Variants in MACROD2 observed in about 807,000 individuals in gnomAD.
The protein encoded by MACROD2 is mono-ADP ribosylhydrolase 2, also known as ADP-ribose glycohydrolase MACROD2.
MACROD2 carries 36 observed loss-of-function variants against 70.4 expected under a neutral mutation model. The observed-to-expected ratio is 0.51, with a 90% CI of 0.39 to 0.68. The LOEUF (loss-of-function observed/expected upper bound fraction) is 0.68. MACROD2 is among the 30% of genes least tolerant of loss of function. The pLI is 0.00. For synonymous variants in MACROD2, 172 were observed against 178.8 expected (o/e 0.96, Z 0.30); for missense variants, 496 against 538.4 (o/e 0.92, Z 0.78).
At chr20:15,498,319 A>T (rs954548756) in intron 7 of MACROD2, among the ~76,000 whole-genome samples, 11 of 152,126 alleles carry the variant, frequency 7.2e-5, no homozygotes, top group African/African-American at 2.7e-4. Context: ...CATCAGTTTG[A>T]ACTACTAGAA....
intron 5 of MACROD2, among the ~76,000 whole-genome samples, chr20:15,014,322 A>G (rs1035211541): frequency 6.6e-6 from 1 of 152,152 alleles, no homozygotes; most frequent in Non-Finnish European, 1.5e-5. Context: ...TCAGGAAATT[A>G]AAATATTGCC....
At chr20:14,262,712 G>C (rs1244816230) in intron 3 of MACROD2, among the ~76,000 whole-genome samples, 1 of 152,164 alleles carries the variant, frequency 6.6e-6, no homozygotes. Flanking sequence ...GCTAGGGAAA[G>C]AAAAGGTTTA....
At chr20:15,751,771 A>G (rs1429110306) in intron 8 of MACROD2, among the ~76,000 whole-genome samples, 1 of 151,790 alleles carries the variant, frequency 6.6e-6, no homozygotes, top group Admixed American at 6.6e-5. Flanking sequence ...CAGGAATGAT[A>G]TAATGAGAAA....
At chr20:15,856,115 A>G (rs2064353849) in intron 8 of MACROD2, among the ~76,000 whole-genome samples, 1 of 152,212 alleles carries the variant, frequency 6.6e-6, no homozygotes, top group Non-Finnish European at 1.5e-5. Flanking sequence ...ATAATTTTCC[A>G]AAGAGGTTTC....
intron 3 of MACROD2, among the ~76,000 whole-genome samples, chr20:14,151,028 T>C (rs1235620044): frequency 6.6e-6 from 1 of 152,172 alleles, no homozygotes; most frequent in Non-Finnish European, 1.5e-5. Context: ...TAATTACAGA[T>C]AGCTTTCTTC....
chr20:15,430,286 T>A (rs371876184), intron 6 of MACROD2, among the ~76,000 whole-genome samples: 2 of 99,838 alleles, frequency 2.0e-5, no homozygotes, highest in Non-Finnish European at 4.6e-5. Context: ...TAATAATTTC[T>A]TTTCCTTTGA....
chr20:14,307,081 G>C (rs915209787), intron 3 of MACROD2, among the ~76,000 whole-genome samples: 2 of 151,768 alleles, frequency 1.3e-5, no homozygotes, highest in Non-Finnish European at 2.9e-5. Flanking sequence ...AATTTTATTA[G>C]TCAGAGAGGG....
intron 3 of MACROD2, among the ~76,000 whole-genome samples, chr20:14,301,682 C>G (rs1271240885): frequency 6.6e-6 from 1 of 152,086 alleles, no homozygotes; most frequent in Non-Finnish European, 1.5e-5. Flanking sequence ...TGTTTTTATT[C>G]TACCAATGAT....
chr20:16,016,804 T>C (rs1420760012), intron 15 of MACROD2, among the ~76,000 whole-genome samples: 1 of 152,302 alleles, frequency 6.6e-6, no homozygotes, highest in South Asian at 2.1e-4. Flanking sequence ...CAATTCTTAG[T>C]CTCCTTCATC....
chr20:15,800,919 T>G (rs2063718701), intron 8 of MACROD2, among the ~76,000 whole-genome samples: 1 of 151,760 alleles, frequency 6.6e-6, no homozygotes, highest in African/African-American at 2.4e-5. Context: ...AAACATGTGC[T>G]GTGTCCACTC....
intron 3 of MACROD2, among the ~76,000 whole-genome samples, chr20:14,349,647 T>C (rs190057167): frequency 8.4e-6 from 1 of 119,432 alleles, no homozygotes; most frequent in Non-Finnish European, 1.6e-5. Context: ...CTGGTAACCA[T>C]TCTTTTATTC....
At chr20:15,698,871 TGA>T (rs1368993213) in intron 8 of MACROD2, among the ~76,000 whole-genome samples, 2 of 152,186 alleles carry the variant, frequency 1.3e-5, no homozygotes, top group African/African-American at 4.8e-5. Context: ...ATTCTATTGC[TGA>T]GACTTTCCAG....
chr20:15,841,531 T>G (rs893423854), intron 8 of MACROD2, among the ~76,000 whole-genome samples: 2 of 151,822 alleles, frequency 1.3e-5, no homozygotes, highest in African/African-American at 4.8e-5. Context: ...AGAGAGCAAG[T>G]GAGGGGGAGT....
chr20:15,709,296 C>T (rs531231878), intron 8 of MACROD2, among the ~76,000 whole-genome samples: 8 of 152,322 alleles, frequency 5.3e-5, no homozygotes, highest in South Asian at 4.1e-4. Context: ...AAGTGAATAG[C>T]ATTGCTTTTC....
At chr20:14,224,711 A>C (rs1256091156) in intron 3 of MACROD2, among the ~76,000 whole-genome samples, 1 of 152,048 alleles carries the variant, frequency 6.6e-6, no homozygotes, top group East Asian at 1.9e-4. Context: ...TTCTCTCATC[A>C]TGTTTTGTAG....
chr20:14,982,246 T>C (rs2074807636), intron 5 of MACROD2, among the ~76,000 whole-genome samples: 1 of 152,164 alleles, frequency 6.6e-6, no homozygotes, highest in South Asian at 2.1e-4. Flanking sequence ...TTGGGTACTC[T>C]TAAATGCATT....
At chr20:15,937,432 C>G (rs149042547) in intron 11 of MACROD2, 44 bp from the exon 12 acceptor site, 13 of 1,596,216 alleles carry the variant, frequency 8.1e-6, no homozygotes, top group Non-Finnish European at 1.1e-5. Flanking sequence ...GCTGGACTTC[C>G]GGAAGGATGA....
At chr20:14,581,913 A>G (rs939561106) in intron 4 of MACROD2, among the ~76,000 whole-genome samples, 2 of 152,172 alleles carry the variant, frequency 1.3e-5, no homozygotes, top group African/African-American at 4.8e-5. Context: ...AGGTAGGAGC[A>G]TGCTCTTCTT....
At chr20:14,859,488 G>A (rs56061104) in intron 5 of MACROD2, among the ~76,000 whole-genome samples, 26,650 of 152,006 alleles carry the variant, frequency 0.18, 2,506 homozygotes, top group East Asian at 0.25. Context: ...TCATGCTAGT[G>A]CTCATCCTTA....
Sources: gnomAD v4.1 joint callset for allele counts (sites outside exome capture counted in the v4.1 genomes callset) on GRCh38, gnomAD v4.1.1 for gene constraint, MANE v1.5 for transcripts, NCBI Gene and HGNC (gene_info 2026-07-23, HGNC 2026-07-21) for gene names.